Variants in TMEM117 observed in about 807,000 individuals in gnomAD.
The protein encoded by TMEM117 is transmembrane protein 117.
A neutral mutation model predicts 52.4 loss-of-function variants in TMEM117; 27 were observed. That is an observed-to-expected ratio of 0.51 (90% CI 0.38 to 0.71). The LOEUF (loss-of-function observed/expected upper bound fraction) is 0.71, where lower values mean the gene tolerates loss of function less well. Among genes scored for constraint, TMEM117 ranks in the 30% least tolerant of loss-of-function variants. The pLI, the probability that TMEM117 is intolerant of heterozygous loss-of-function variation, is 0.00. For synonymous variants in TMEM117, 215 were observed against 206.3 expected (o/e 1.04, Z -0.36); for missense variants, 556 against 630.5 (o/e 0.88, Z 1.26).
chr12:43,999,181 G>C (rs1946077871), intron 3 of TMEM117, among the ~76,000 whole-genome samples: 1 of 152,188 alleles, frequency 6.6e-6, no homozygotes, highest in African/African-American at 2.4e-5. Context: ...ATGCTAGAAT[G>C]CTGCTGTATG....
chr12:44,147,451 G>T (rs976816937), intron 4 of TMEM117, among the ~76,000 whole-genome samples: 3 of 152,146 alleles, frequency 2.0e-5, no homozygotes, highest in Non-Finnish European at 1.5e-5. Flanking sequence ...ATGCCAGAGA[G>T]AAGAAGCACT....
chr12:44,288,947 T>C (rs1217942940), intron 5 of TMEM117, among the ~76,000 whole-genome samples: 1 of 152,178 alleles, frequency 6.6e-6, no homozygotes. Context: ...GTCACCATGC[T>C]GTACATTAGA....
intron 3 of TMEM117, among the ~76,000 whole-genome samples, chr12:44,082,434 G>A (rs1047352459): frequency 6.6e-6 from 1 of 151,900 alleles, no homozygotes; most frequent in African/African-American, 2.4e-5. Flanking sequence ...TATCTATAGG[G>A]ATATAGGCAT....
intron 5 of TMEM117, among the ~76,000 whole-genome samples, chr12:44,227,066 C>T (rs1949871369): frequency 6.6e-6 from 1 of 152,142 alleles, no homozygotes; most frequent in Admixed American, 6.6e-5. Context: ...CTAGGACCTG[C>T]ATGCCTTTGG....
chr12:43,890,356 A>T (rs1944079789), intron 2 of TMEM117, among the ~76,000 whole-genome samples: 1 of 152,060 alleles, frequency 6.6e-6, no homozygotes. Context: ...TCTGTCAATA[A>T]ATCTCACCCC....
At chr12:43,899,460 T>G (rs567715724) in intron 2 of TMEM117, among the ~76,000 whole-genome samples, 22 of 152,368 alleles carry the variant, frequency 1.4e-4, no homozygotes, top group Admixed American at 7.8e-4. Flanking sequence ...ATATTCATTT[T>G]TAAGTGGCAA....
chr12:43,851,368 A>G (rs186897500), intron 2 of TMEM117, among the ~76,000 whole-genome samples: 53 of 152,246 alleles, frequency 3.5e-4, no homozygotes, highest in African/African-American at 1.3e-3. Context: ...TTAAAATGGA[A>G]TCTTTGGGTA....
At chr12:43,831,350 C>T (rs1942980069), upstream of TMEM117, among the ~76,000 whole-genome samples, 1 of 152,136 alleles carries the variant, frequency 6.6e-6, no homozygotes, top group Admixed American at 6.5e-5. Context: ...CCTATACTTT[C>T]CCCTGGCTTT....
chr12:43,886,989 AG>A (rs1944007206), intron 2 of TMEM117, among the ~76,000 whole-genome samples: 1 of 152,138 alleles, frequency 6.6e-6, no homozygotes, highest in Non-Finnish European at 1.5e-5. Flanking sequence ...CTGGGACTAC[AG>A]GCACATGCCA....
chr12:44,108,197 T>A (rs1249898717), intron 3 of TMEM117, among the ~76,000 whole-genome samples: 1 of 152,034 alleles, frequency 6.6e-6, no homozygotes, highest in Non-Finnish European at 1.5e-5. Flanking sequence ...CCAAATTTAT[T>A]TATTTATTTA....
chr12:44,185,924 ACTTT>A (rs894513587), intron 4 of TMEM117, among the ~76,000 whole-genome samples: 16 of 149,770 alleles, frequency 1.1e-4, no homozygotes, highest in Non-Finnish European at 2.1e-4. Context: ...ACGTGCTCCT[ACTTT>A]CTTATAGTGT....
intron 6 of TMEM117, among the ~76,000 whole-genome samples, chr12:44,322,215 C>T (rs940409829): frequency 1.3e-5 from 2 of 152,154 alleles, no homozygotes; most frequent in Non-Finnish European, 2.9e-5. Context: ...TAGCATGGCT[C>T]GGGTATTAGT....
intron 6 of TMEM117, among the ~76,000 whole-genome samples, chr12:44,330,573 G>C (rs1276452143): frequency 6.6e-6 from 1 of 151,890 alleles, no homozygotes; most frequent in Non-Finnish European, 1.5e-5. Flanking sequence ...TTGTTAGTGT[G>C]CATTTTATAC....
chr12:44,158,983 G>A (rs1041318507), intron 4 of TMEM117, among the ~76,000 whole-genome samples: 4 of 152,258 alleles, frequency 2.6e-5, no homozygotes, highest in Non-Finnish European at 4.4e-5. Context: ...AATACAAGAC[G>A]CCAGCAGCCT....
the TMEM117 span, chr12:43,805,438 G>A: frequency 2.4e-6 from 1 of 413,272 alleles, no homozygotes; most frequent in South Asian, 1.7e-5. Flanking sequence ...GCTATTAACA[G>A]TAAGAGCTTG....
chr12:43,919,522 CT>C (rs1944658539), intron 2 of TMEM117, among the ~76,000 whole-genome samples: 1 of 152,114 alleles, frequency 6.6e-6, no homozygotes, highest in African/African-American at 2.4e-5. Context: ...TCCACATTTT[CT>C]TTATCAATTT....
chr12:44,073,701 C>T (rs1470917188), intron 3 of TMEM117: 1 of 152,228 alleles, frequency 6.6e-6, no homozygotes, highest in Non-Finnish European at 1.5e-5. Context: ...TTGGAAGGAA[C>T]TTCTTAGAAG....
At chr12:44,390,635 TA>T (rs1048987955), downstream of TMEM117, among the ~76,000 whole-genome samples, 26 of 152,108 alleles carry the variant, frequency 1.7e-4, no homozygotes, top group Middle Eastern at 3.4e-3. Flanking sequence ...GAAAAACTAT[TA>T]AAAAAATGAA....
At chr12:44,024,913 C>CAG (rs1053883569) in intron 3 of TMEM117, among the ~76,000 whole-genome samples, 6 of 140,062 alleles carry the variant, frequency 4.3e-5, no homozygotes, top group African/African-American at 1.2e-4. Flanking sequence ...CATATACATA[C>CAG]AGAGAGAGAG....
Sources: allele counts gnomAD v4.1 joint callset (sites outside exome capture counted in the v4.1 genomes callset), GRCh38; gene constraint gnomAD v4.1.1; transcripts MANE v1.5; gene names NCBI Gene and HGNC (gene_info 2026-07-23, HGNC 2026-07-21).